DAB1: variants seen among roughly 807,000 people sequenced by gnomAD.
The protein encoded by DAB1 is disabled homolog 1.
A neutral mutation model predicts 64.6 loss-of-function variants in DAB1; 15 were observed. The observed-to-expected ratio is 0.23, with a 90% CI of 0.16 to 0.36. DAB1 has a LOEUF of 0.36. Among genes scored for constraint, DAB1 ranks in the 10% least tolerant of loss-of-function variants. DAB1 has a pLI of 1.00. For synonymous variants in DAB1, 235 were observed against 251.9 expected, an observed-to-expected ratio of 0.93 and a Z score of 0.64; for missense variants, 596 against 706.7, an observed-to-expected ratio of 0.84 and a Z score of 1.78.
chr1:57,745,559 C>T (rs1413378495), intron 6 of DAB1, among the ~76,000 whole-genome samples: 1 of 152,150 alleles, frequency 6.6e-6, no homozygotes, highest in Non-Finnish European at 1.5e-5. Context: ...GACCTACCTC[C>T]CCACCTTCAC....
intron 7 of DAB1, among the ~76,000 whole-genome samples, chr1:57,560,918 C>T (rs944315528): frequency 4.6e-5 from 7 of 152,178 alleles, no homozygotes; most frequent in Non-Finnish European, 1.0e-4. Context: ...GAACGTTTGA[C>T]TACGGGACAT....
At chr1:58,467,580 A>G (rs930528590) in intron 3 of DAB1, among the ~76,000 whole-genome samples, 1 of 152,248 alleles carries the variant, frequency 6.6e-6, no homozygotes, top group African/African-American at 2.4e-5. Flanking sequence ...AGAAACAAAC[A>G]TAAAAATAAA....
chr1:58,368,901 C>T (rs1464483344), intron 3 of DAB1, among the ~76,000 whole-genome samples: 1 of 152,160 alleles, frequency 6.6e-6, no homozygotes, highest in East Asian at 1.9e-4. Context: ...GTGGCACATG[C>T]CTGTGGTCCC....
At chr1:57,457,555 C>A (rs938693030) in intron 7 of DAB1, among the ~76,000 whole-genome samples, 2 of 152,090 alleles carry the variant, frequency 1.3e-5, no homozygotes, top group African/African-American at 4.8e-5. Context: ...ATTTGGCATT[C>A]TCAATGTATA....
intron 5 of DAB1, among the ~76,000 whole-genome samples, chr1:57,973,416 C>T (rs556558014): frequency 6.6e-6 from 1 of 152,260 alleles, no homozygotes; most frequent in African/African-American, 2.4e-5. Flanking sequence ...TTTTAAACCA[C>T]CAGATTTGTG....
chr1:57,653,543 G>T (rs2101658218), intron 6 of DAB1, among the ~76,000 whole-genome samples: 1 of 152,134 alleles, frequency 6.6e-6, no homozygotes, highest in Non-Finnish European at 1.5e-5. Flanking sequence ...TATACTCCTT[G>T]GGTACCTATG....
chr1:57,889,904 G>T (rs867362867), intron 5 of DAB1, among the ~76,000 whole-genome samples: 3,865 of 131,484 alleles, frequency 0.029, 259 homozygotes, highest in Non-Finnish European at 0.047. Flanking sequence ...TGGGGCGGGG[G>T]GGGGGGAGGG....
intron 2 of DAB1, among the ~76,000 whole-genome samples, chr1:57,178,102 A>T (rs1662526753): frequency 6.6e-6 from 1 of 152,202 alleles, no homozygotes; most frequent in African/African-American, 2.4e-5. Context: ...CAAAAGTACC[A>T]AGTATTGATA....
At chr1:57,359,792 G>A (rs1486564980) in intron 1 of DAB1, among the ~76,000 whole-genome samples, 1 of 152,028 alleles carries the variant, frequency 6.6e-6, no homozygotes, top group Admixed American at 6.6e-5. Flanking sequence ...TGACAAGATG[G>A]ATTGACCTGC....
intron 4 of DAB1, among the ~76,000 whole-genome samples, chr1:58,179,630 T>C (rs1401748086): frequency 1.3e-5 from 2 of 152,154 alleles, no homozygotes; most frequent in African/African-American, 4.8e-5. Flanking sequence ...AAGTTGTTCA[T>C]AGAATTCCCT....
chr1:57,854,253 TA>T (rs1293482163), intron 1 of DAB1, among the ~76,000 whole-genome samples: 4 of 152,180 alleles, frequency 2.6e-5, no homozygotes, highest in Non-Finnish European at 5.9e-5. Context: ...CTCAGATGAA[TA>T]AATACTACAG....
intron 7 of DAB1, among the ~76,000 whole-genome samples, chr1:57,612,115 ATC>A (rs1645733951): frequency 6.6e-6 from 1 of 151,840 alleles, no homozygotes; most frequent in Non-Finnish European, 1.5e-5. Context: ...CCTAAGACCC[ATC>A]TCTTACCTAA....
intron 5 of DAB1, among the ~76,000 whole-genome samples, chr1:58,005,601 C>A (rs145531049): frequency 3.4e-5 from 4 of 116,370 alleles, no homozygotes; most frequent in Non-Finnish European, 3.4e-5. Flanking sequence ...TGTGCGCCTG[C>A]CTTGGTTAAA....
chr1:57,712,814 G>C (rs755178358), intron 6 of DAB1, among the ~76,000 whole-genome samples: 12 of 152,292 alleles, frequency 7.9e-5, no homozygotes, highest in South Asian at 2.1e-4. Flanking sequence ...ATAAGTTAGT[G>C]ACCAAGATGA....
chr1:57,851,594 A>G (rs773846653), intron 1 of DAB1, among the ~76,000 whole-genome samples: 3 of 151,396 alleles, frequency 2.0e-5, no homozygotes, highest in Admixed American at 6.6e-5. Context: ...CTCCTTCCCT[A>G]CTCCCCTCTG....
intron 5 of DAB1, among the ~76,000 whole-genome samples, chr1:57,996,816 G>A (rs1646431935): frequency 6.6e-6 from 1 of 152,122 alleles, no homozygotes; most frequent in Admixed American, 6.5e-5. Flanking sequence ...CCCTTAAATT[G>A]TGGATTCTTA....
At chr1:57,053,688 A>ATATATATATATATTTT (rs1447741565) in intron 9 of DAB1, among the ~76,000 whole-genome samples, 3 of 71,396 alleles carry the variant, frequency 4.2e-5, no homozygotes, top group African/African-American at 1.6e-4. Context: ...ATATATATAT[A>ATATATATATATATTTT]TTTTTTTTTT....
chr1:57,931,046 A>G (rs1374368376), intron 5 of DAB1, among the ~76,000 whole-genome samples: 3 of 152,134 alleles, frequency 2.0e-5, no homozygotes, highest in Non-Finnish European at 4.4e-5. Flanking sequence ...GGTAGCTGAC[A>G]GTTTTTATCC....
chr1:58,469,471 G>A (rs1233160366), intron 3 of DAB1, among the ~76,000 whole-genome samples: 1 of 152,044 alleles, frequency 6.6e-6, no homozygotes. Context: ...TCTTTTCTTA[G>A]ATGTAGTAAT....
Sources: gnomAD v4.1 joint callset for allele counts (sites outside exome capture counted in the v4.1 genomes callset) on GRCh38, gnomAD v4.1.1 for gene constraint, MANE v1.5 for transcripts, NCBI Gene and HGNC (gene_info 2026-07-23, HGNC 2026-07-21) for gene names.